Variants in HSPA4L observed in about 807,000 individuals in gnomAD.
The protein encoded by HSPA4L is heat shock protein family A (Hsp70) member 4 like.
Under a neutral mutation model 100.3 loss-of-function variants are expected in HSPA4L, and 48 were observed. The ratio of observed to expected loss-of-function variants is 0.48; its 90% confidence interval spans 0.38 to 0.61. HSPA4L has a LOEUF of 0.61. Ranked by LOEUF, HSPA4L falls within the 20% of genes least tolerant of loss-of-function variation. HSPA4L has a pLI of 0.00. For missense variants in HSPA4L, 886 were observed against 988.6 expected (o/e 0.90, Z 1.39); for synonymous variants, 319 against 328.2 (o/e 0.97, Z 0.30).
chr4:127,783,799 G>A, intron 1 of HSPA4L: 1 of 872,850 alleles, frequency 1.1e-6, no homozygotes, highest in African/African-American at 1.7e-5. Flanking sequence ...TCTATGGAAA[G>A]CTTTAAAATA....
intron 1 of HSPA4L, among the ~76,000 whole-genome samples, chr4:127,789,202 G>C (rs963368859): frequency 6.6e-6 from 1 of 152,136 alleles, no homozygotes; most frequent in Non-Finnish European, 1.5e-5. Context: ...GTAGCATCTT[G>C]TCATCTGATT....
At chr4:127,783,539 C>G in intron 1 of HSPA4L, 1 of 1,508,244 alleles carries the variant, frequency 6.6e-7, no homozygotes, top group Non-Finnish European at 8.8e-7. Flanking sequence ...CGTTGTTTCT[C>G]TGGCCTGGGA....
In HSPA4L at chr4:127,805,772, C is replaced by T; in HGVS notation, c.1223C>T (p.Thr408Ile). Residue 408 changes from threonine (T) to isoleucine (I), a missense_variant, in exon 10 of 19, where the codon ACC (threonine) becomes ATC (isoleucine). Coordinates refer to ENST00000296464, the MANE Select transcript of HSPA4L (RefSeq NM_014278.4). ...VPYSITLRWKTSFEDGSGECE... is the reference protein window; with the variant it reads ...VPYSITLRWKISFEDGSGECE... ...TATTCAATCACATTAAGGTGGAAGA[C>T]CTCTTTTGAAGATGGAAGTGGGTAA... 6.2e-7 allele frequency: 1 copy of T among 1,608,720 alleles called. No individual in the cohort carries two copies. Among genetic ancestry groups the T allele is most frequent in the South Asian group, 1.1e-5 (1 of 90,456 alleles).
chr4:127,819,967 C>G (rs1487032582), intron 13 of HSPA4L, among the ~76,000 whole-genome samples: 5 of 151,844 alleles, frequency 3.3e-5, no homozygotes, highest in Non-Finnish European at 7.4e-5. Flanking sequence ...TTTCATTTTT[C>G]TTGGGCATAT....
At chr4:127,814,805 T>TC (rs1457802566) in intron 12 of HSPA4L, among the ~76,000 whole-genome samples, 57 of 152,170 alleles carry the variant, frequency 3.7e-4, no homozygotes, top group Non-Finnish European at 7.3e-5. Context: ...GACCTTGTGA[T>TC]CCACCAGCCT....
intron 12 of HSPA4L, among the ~76,000 whole-genome samples, chr4:127,814,450 C>G (rs1257653101): frequency 6.6e-6 from 1 of 151,814 alleles, no homozygotes; most frequent in Non-Finnish European, 1.5e-5. Context: ...CAGCCTAAAT[C>G]TTTTAAATCC....
intron 14 of HSPA4L, 21 bp from the exon 15 acceptor site, chr4:127,822,748 A>C (rs754952223): frequency 1.2e-6 from 2 of 1,611,296 alleles, no homozygotes; most frequent in Non-Finnish European, 1.7e-6. Context: ...TATGGCAACT[A>C]ATCTGAAGCT....
At chr4:127,808,207 A>C in intron 11 of HSPA4L, 78 bp downstream of exon 11, 1 of 1,224,822 alleles carries the variant, frequency 8.2e-7, no homozygotes, top group Non-Finnish European at 1.1e-6. Context: ...GGAAACAAAT[A>C]GACATTTCAG....
intron 11 of HSPA4L, among the ~76,000 whole-genome samples, chr4:127,808,696 C>A (rs568495201): frequency 6.6e-6 from 1 of 152,160 alleles, no homozygotes; most frequent in African/African-American, 2.4e-5. Context: ...GACCTGGGAC[C>A]AATACTCAAT....
chr4:127,783,762 A>G, intron 1 of HSPA4L: 1 of 1,255,308 alleles, frequency 8.0e-7, no homozygotes, highest in East Asian at 2.5e-5. Context: ...TCAGTGTCCA[A>G]TGGTCTTTAA....
At chr4:127,792,174 C>T (rs1442958951) in intron 1 of HSPA4L, among the ~76,000 whole-genome samples, 1 of 152,098 alleles carries the variant, frequency 6.6e-6, no homozygotes, top group Non-Finnish European at 1.5e-5. Flanking sequence ...TTAATGAATC[C>T]TCATTGAAAT....
chr4:127,802,840 T>C (rs1375555001), intron 6 of HSPA4L, among the ~76,000 whole-genome samples: 1 of 152,140 alleles, frequency 6.6e-6, no homozygotes, highest in Non-Finnish European at 1.5e-5. Flanking sequence ...TCCACGCAGA[T>C]TGTACTCATA....
intron 10 of HSPA4L, among the ~76,000 whole-genome samples, chr4:127,807,280 A>G (rs889134136): frequency 6.6e-5 from 10 of 152,026 alleles, no homozygotes; most frequent in African/African-American, 1.9e-4. Context: ...TTTAAGGAAT[A>G]GGAATTGCTA....
intron 16 of HSPA4L, 52 bp from the exon 17 acceptor site, chr4:127,827,253 T>G (rs2148799561): frequency 6.5e-7 from 1 of 1,527,446 alleles, no homozygotes; most frequent in East Asian, 2.3e-5. Flanking sequence ...TATAAAAGTT[T>G]TCTGTTAAAA....
In HSPA4L at chr4:127,840,359, T is replaced by C. The variant is rs2148806377; in HGVS notation, c.*7485T>C. ...AGGTACTACATTTGATTTCTCAATTTCTCAGTTTGTTTTCAATACAAACAG... is the reference window on the plus strand; with the variant it reads ...AGGTACTACATTTGATTTCTCAATTCCTCAGTTTGTTTTCAATACAAACAG... On this transcript the variant is annotated 3_prime_UTR_variant, in exon 19 of 19. Transcript: ENST00000296464. 6.6e-6 allele frequency: 1 copy of C among 152,336 alleles called. No individual in the cohort carries two copies. Among genetic ancestry groups the C allele is most frequent in the Middle Eastern group, 3.4e-3 (1 of 294 alleles). The allele number at this position is 152,336 out of a possible 1,614,324, so 9.4% of individuals were successfully genotyped here. A position where few individuals can be genotyped will look rare whatever the true frequency, so the allele number is the denominator to read the frequency against.
In HSPA4L at chr4:127,827,192, A is replaced by G. The variant is rs1451937404; in HGVS notation, c.2047-113A>G. On this transcript the variant is annotated intron_variant, in intron 16 of 18. Transcript: ENST00000296464. ...TCCATACAGGAAAATAAGAGGGGAT[A>G]TATTTTTATCTGTCCATCTTTTCTT... The G allele has an allele frequency of 1.2e-5, 10 of 807,214 alleles. No individual in the cohort carries two copies. In the East Asian group the frequency reaches 2.1e-4, roughly 17 times the overall value. 50.0% of individuals were successfully genotyped at this position (807,214 alleles called of 1,614,324 possible). A position where few individuals can be genotyped will look rare whatever the true frequency, so the allele number is the denominator to read the frequency against.
chr4:127,822,726 A>G lies in HSPA4L; in HGVS notation c.1813-43A>G. The stretch of plus-strand genomic sequence containing the variant: ...TTGTGGTTTTGATTTCTATTTCCCT[A>G]ATGCATATTCTTATGGCAACTAATC... On this transcript the variant is annotated intron_variant, in intron 14 of 18. Transcript: ENST00000296464. 1.9e-6 allele frequency: 3 copies of G among 1,595,378 alleles called. No individual in the cohort carries two copies. In the South Asian group the frequency reaches 3.4e-5, roughly 18 times the overall value.
At position 127,837,423 on chromosome 4, in the gene HSPA4L, T is replaced by C. The variant is rs1189197426; in HGVS notation, c.*4549T>C. ...TCTGGTAACACTGGTTAAATAGCCC[T>C]TGATGACTTTTCATGTGGCATGAGA... On this transcript the variant is annotated 3_prime_UTR_variant, in exon 19 of 19. Coordinates refer to ENST00000296464, the MANE Select transcript of HSPA4L (RefSeq NM_014278.4). 1 of 152,238 alleles carries C rather than the reference T, an allele frequency of 6.6e-6. No homozygotes were observed. The highest frequency in any genetic ancestry group is 1.5e-5 in the Non-Finnish European group (1 of 68,032). 9.4% of individuals were successfully genotyped at this position (152,238 alleles called of 1,614,324 possible). A position where few individuals can be genotyped will look rare whatever the true frequency, so the allele number is the denominator to read the frequency against.
At chr4:127,787,487 C>G (rs1732751197) in intron 1 of HSPA4L, among the ~76,000 whole-genome samples, 1 of 152,112 alleles carries the variant, frequency 6.6e-6, no homozygotes, top group Non-Finnish European at 1.5e-5. Flanking sequence ...ATTTATGTTT[C>G]TAGCTATACA....
Sources: gnomAD v4.1 joint callset for allele counts (sites outside exome capture counted in the v4.1 genomes callset) on GRCh38, gnomAD v4.1.1 for gene constraint, MANE v1.5 for transcripts, NCBI Gene and HGNC (gene_info 2026-07-23, HGNC 2026-07-21) for gene names.